The following TMEM117 variants were observed in gnomAD, a reference collection of about 807,000 sequenced individuals.
TMEM117 encodes transmembrane protein 117.
Under a neutral mutation model 52.4 loss-of-function variants are expected in TMEM117, and 27 were observed. The ratio of observed to expected loss-of-function variants is 0.51; its 90% confidence interval spans 0.38 to 0.71. TMEM117 has a LOEUF of 0.71. Ranked by LOEUF, TMEM117 falls within the 30% of genes least tolerant of loss-of-function variation. The pLI, the probability that TMEM117 is intolerant of heterozygous loss-of-function variation, is 0.00. For synonymous variants in TMEM117, 215 were observed against 206.3 expected (o/e 1.04, Z -0.36); for missense variants, 556 against 630.5 (o/e 0.88, Z 1.26).
At position 43,910,310 on chromosome 12, in the gene TMEM117, ACT is replaced by A. The variant is rs1944474273; in HGVS notation, c.278-33896_278-33895del. Among the ~76,000 whole-genome samples the A allele has an allele frequency of 2.8e-5, 4 of 144,806 alleles. No individual in the cohort carries two copies. The South Asian group carries it at 9.4e-4, about 34-fold the overall frequency. 95.0% of individuals were successfully genotyped at this position (144,806 alleles called of 152,430 possible). ...AATTCAACAACCCTTCATGCTAAAA[ACT>A]CTCAATAAATTAGGTATTGATGGGA... On this transcript the variant is annotated intron_variant, in intron 2 of 7. Coordinates refer to ENST00000266534, the MANE Select transcript of TMEM117 (RefSeq NM_032256.3).
chr12:43,806,617 G>A, the TMEM117 span, among the ~76,000 whole-genome samples: 1 of 152,234 alleles, frequency 6.6e-6, no homozygotes, highest in African/African-American at 2.4e-5. Context: ...CTCAGCAAAG[G>A]GGTGCTCAAA....
chr12:43,800,440 C>T, the TMEM117 span: 2 of 1,610,734 alleles, frequency 1.2e-6, no homozygotes, highest in East Asian at 2.2e-5. Context: ...AATACCTTTA[C>T]TGTTCCAAAT....
chr12:44,329,027 G>A (rs942656979), intron 6 of TMEM117, among the ~76,000 whole-genome samples: 1 of 151,746 alleles, frequency 6.6e-6, no homozygotes, highest in Non-Finnish European at 1.5e-5. Flanking sequence ...GAAGTGAGTA[G>A]TGGATGGGAG....
At chr12:43,890,019 TTTA>T (rs1389456068) in intron 2 of TMEM117, among the ~76,000 whole-genome samples, 2 of 152,096 alleles carry the variant, frequency 1.3e-5, no homozygotes, top group Non-Finnish European at 2.9e-5. Flanking sequence ...AGCTTGGGCT[TTTA>T]TACAGTTGAG....
At chr12:43,832,696 A>C (rs1479082816), upstream of TMEM117, among the ~76,000 whole-genome samples, 1 of 152,216 alleles carries the variant, frequency 6.6e-6, no homozygotes, top group Non-Finnish European at 1.5e-5. Flanking sequence ...GTATTATGTA[A>C]GATGAGAGGT....
At chr12:43,822,095 A>G in the TMEM117 span, among the ~76,000 whole-genome samples, 1 of 152,298 alleles carries the variant, frequency 6.6e-6, no homozygotes, top group African/African-American at 2.4e-5. Context: ...CCGATATTCA[A>G]GATTTCAGGA....
At chr12:43,889,052 A>C (rs1592336112) in intron 2 of TMEM117, among the ~76,000 whole-genome samples, 2 of 151,180 alleles carry the variant, frequency 1.3e-5, no homozygotes, top group African/African-American at 4.9e-5. Context: ...TTGCAGGATG[A>C]AACTTGCACT....
chr12:44,192,333 T>A (rs540079468), intron 4 of TMEM117, among the ~76,000 whole-genome samples: 1 of 152,240 alleles, frequency 6.6e-6, no homozygotes, highest in African/African-American at 2.4e-5. Flanking sequence ...ATGCTTACTG[T>A]TTTTGGTGTT....
At chr12:43,954,984 C>G (rs141990886) in intron 3 of TMEM117, among the ~76,000 whole-genome samples, 1 of 152,128 alleles carries the variant, frequency 6.6e-6, no homozygotes, top group Non-Finnish European at 1.5e-5. Context: ...GTTCAACATA[C>G]GTAAATCAAT....
At chr12:44,171,109 G>A (rs1158762211) in intron 4 of TMEM117, among the ~76,000 whole-genome samples, 4 of 148,152 alleles carry the variant, frequency 2.7e-5, no homozygotes, top group South Asian at 2.1e-4. Context: ...TCCACCTCCC[G>A]GGTTCACGCC....
chr12:43,857,536 A>T (rs925321328), intron 2 of TMEM117, among the ~76,000 whole-genome samples: 29 of 152,158 alleles, frequency 1.9e-4, no homozygotes, highest in Admixed American at 7.2e-4. Flanking sequence ...GTGAGATGTA[A>T]CCAGCCAGGG....
chr12:44,285,308 C>T (rs967474549), intron 5 of TMEM117, among the ~76,000 whole-genome samples: 8 of 152,248 alleles, frequency 5.3e-5, no homozygotes, highest in African/African-American at 9.6e-5. Context: ...ATAAATAACA[C>T]GTAAATGTGT....
chr12:44,374,612 CTATTTGTGTG>C (rs1361663589), intron 6 of TMEM117, among the ~76,000 whole-genome samples: 3 of 133,632 alleles, frequency 2.2e-5, no homozygotes, highest in African/African-American at 8.7e-5. Context: ...AATCAAGGAA[CTATTTGTGTG>C]TGTGTGTGTG....
At chr12:43,853,950 C>T (rs1157298595) in intron 2 of TMEM117, among the ~76,000 whole-genome samples, 2 of 152,116 alleles carry the variant, frequency 1.3e-5, no homozygotes, top group Non-Finnish European at 2.9e-5. Flanking sequence ...AAGATGGAGA[C>T]AACTCAGCTT....
intron 4 of TMEM117, among the ~76,000 whole-genome samples, chr12:44,151,852 A>G (rs1319778891): frequency 1.5e-5 from 2 of 137,264 alleles, no homozygotes; most frequent in African/African-American, 5.4e-5. Context: ...TATATAATAT[A>G]TAATATTATA....
At chr12:44,089,007 G>T (rs540803164) in intron 3 of TMEM117, among the ~76,000 whole-genome samples, 1 of 152,228 alleles carries the variant, frequency 6.6e-6, no homozygotes, top group South Asian at 2.1e-4. Context: ...GACAGCACCT[G>T]TACACCCTGT....
At chr12:44,259,970 A>G (rs1950302824) in intron 5 of TMEM117, among the ~76,000 whole-genome samples, 1 of 152,312 alleles carries the variant, frequency 6.6e-6, no homozygotes, top group East Asian at 1.9e-4. Context: ...GGAGATTTAT[A>G]TGATATCTGA....
intron 6 of TMEM117, among the ~76,000 whole-genome samples, chr12:44,302,228 CT>C (rs1219914306): frequency 9.2e-5 from 14 of 152,312 alleles, no homozygotes; most frequent in Admixed American, 9.2e-4. Context: ...ATGTTTTACA[CT>C]TCTCAGCCCT....
chr12:44,044,664 G>T (rs1422790317), intron 3 of TMEM117, among the ~76,000 whole-genome samples: 1 of 152,188 alleles, frequency 6.6e-6, no homozygotes, highest in East Asian at 1.9e-4. Context: ...GACAGAGGAA[G>T]AGAAGACTAG....
Sources: gnomAD v4.1 joint callset for allele counts (sites outside exome capture counted in the v4.1 genomes callset) on GRCh38, gnomAD v4.1.1 for gene constraint, MANE v1.5 for transcripts, NCBI Gene and HGNC (gene_info 2026-07-23, HGNC 2026-07-21) for gene names.